ABHD17B: variants seen among roughly 807,000 people sequenced by gnomAD.
ABHD17B encodes the protein alpha/beta hydrolase domain-containing protein 17B.
A neutral mutation model predicts 26.2 loss-of-function variants in ABHD17B; 9 were observed. That is an observed-to-expected ratio of 0.34 (90% CI 0.21 to 0.60). The LOEUF (loss-of-function observed/expected upper bound fraction) is 0.60, where lower values mean the gene tolerates loss of function less well. ABHD17B is among the 20% of genes least tolerant of loss of function. ABHD17B has a pLI of 0.80. For missense variants in ABHD17B, 224 were observed against 352.1 expected (o/e 0.64, Z 2.91); for synonymous variants, 127 against 122.3 (o/e 1.04, Z -0.25).
chr9:71,878,099 G>C (rs978690313), intron 1 of ABHD17B, among the ~76,000 whole-genome samples: 15 of 151,638 alleles, frequency 9.9e-5, no homozygotes, highest in African/African-American at 1.7e-4. Flanking sequence ...TTTTAGTATA[G>C]TGTGAGCAAG....
intron 1 of ABHD17B, among the ~76,000 whole-genome samples, chr9:71,896,782 G>A (rs1173984817): frequency 1.3e-5 from 2 of 151,908 alleles, no homozygotes; most frequent in African/African-American, 4.8e-5. Context: ...GAATTAAAAG[G>A]GAAAATGGGA....
downstream of ABHD17B, among the ~76,000 whole-genome samples, chr9:71,864,791 TC>T (rs1325123633): frequency 6.6e-6 from 1 of 152,216 alleles, no homozygotes; most frequent in Admixed American, 6.5e-5. Context: ...GGTGCCTGTC[TC>T]CTTAGCTATA....
chr9:71,867,645 T>C (rs1825994563), intron 3 of ABHD17B, among the ~76,000 whole-genome samples: 2 of 152,028 alleles, frequency 1.3e-5, no homozygotes, highest in Non-Finnish European at 2.9e-5. Context: ...AAGGGGGTGA[T>C]TGAAATATAC....
chr9:71,900,880 T>C (rs966654176), intron 1 of ABHD17B, among the ~76,000 whole-genome samples: 9 of 152,056 alleles, frequency 5.9e-5, no homozygotes, highest in African/African-American at 2.2e-4. Flanking sequence ...CTGGGTGCAG[T>C]GGCTCACGCC....
chr9:71,908,948 T>C (rs983771598), intron 1 of ABHD17B, among the ~76,000 whole-genome samples: 1 of 152,228 alleles, frequency 6.6e-6, no homozygotes, highest in Non-Finnish European at 1.5e-5. Context: ...ACCAATTCAG[T>C]GTCAAACTTG....
chr9:71,878,989 C>G lies in ABHD17B; in HGVS notation c.-3-3906G>C, dbSNP rs554984142. On this transcript the variant is annotated intron_variant, in intron 1 of 3. Transcript: ENST00000333421. ...TGAGCACCATGGCAAAACTCCATCT[C>G]TATAAAAAATACAAAAATTAGCTGG... is the stretch of plus-strand genomic sequence containing the variant. Among the ~76,000 whole-genome samples the G allele has an allele frequency of 1.4e-4, 21 of 152,266 alleles. No homozygotes were observed. The East Asian group carries it at 3.7e-3, about 27-fold the overall frequency.
intron 1 of ABHD17B, among the ~76,000 whole-genome samples, chr9:71,901,008 C>A (rs1342400527): frequency 6.6e-6 from 1 of 151,976 alleles, no homozygotes; most frequent in Non-Finnish European, 1.5e-5. Flanking sequence ...AAAAATTAGC[C>A]GGGCATGGTA....
At position 71,906,134 on chromosome 9, in the gene ABHD17B, T is replaced by C. The variant is rs980593247; in HGVS notation, c.-4+4500A>G. Reference sequence around the variant, plus strand: ...ACTTGAATATTCTGCTGGACATTCATAGAGGGGAACAGAAAGAGGAAAAAA... The same window carrying C: ...ACTTGAATATTCTGCTGGACATTCACAGAGGGGAACAGAAAGAGGAAAAAA... On this transcript the variant is annotated intron_variant, in intron 1 of 3. Coordinates refer to ENST00000333421, the MANE Select transcript of ABHD17B (RefSeq NM_001025780.3). 5.7e-4 allele frequency among the ~76,000 whole-genome samples: 87 copies of C among 152,176 alleles called. 1 individual carries two copies. The highest frequency in any genetic ancestry group is 1.9e-3 in the African/African-American group (80 of 41,502).
chr9:71,863,205 A>C (rs1825872654), downstream of ABHD17B, among the ~76,000 whole-genome samples: 1 of 152,230 alleles, frequency 6.6e-6, no homozygotes, highest in Non-Finnish European at 1.5e-5. Context: ...TATGTACAAA[A>C]GCCAAATATC....
chr9:71,879,237 G>A (rs1045360982), intron 1 of ABHD17B, among the ~76,000 whole-genome samples: 1 of 152,158 alleles, frequency 6.6e-6, no homozygotes, highest in Non-Finnish European at 1.5e-5. Context: ...AAATAAAGGA[G>A]AATAGTTAAT....
chr9:71,910,454 G>C (rs1043183426), intron 1 of ABHD17B, among the ~76,000 whole-genome samples, 180 bp downstream of exon 1: 1 of 152,184 alleles, frequency 6.6e-6, no homozygotes, highest in East Asian at 1.9e-4. Context: ...ACCCGATGAG[G>C]AGTGGCTTCC....
At chr9:71,863,958 T>C (rs1211086285), downstream of ABHD17B, among the ~76,000 whole-genome samples, 1 of 152,202 alleles carries the variant, frequency 6.6e-6, no homozygotes, top group Non-Finnish European at 1.5e-5. Context: ...GTAAATGTGG[T>C]TTGAACAGCA....
At chr9:71,906,478 T>C (rs1246752927) in intron 1 of ABHD17B, among the ~76,000 whole-genome samples, 1 of 152,190 alleles carries the variant, frequency 6.6e-6, no homozygotes, top group Non-Finnish European at 1.5e-5. Flanking sequence ...GCTTCTTATA[T>C]TTCAATGCGT....
At chr9:71,885,884 A>AT (rs1589222012) in intron 1 of ABHD17B, among the ~76,000 whole-genome samples, 2 of 152,194 alleles carry the variant, frequency 1.3e-5, no homozygotes, top group East Asian at 3.8e-4. Flanking sequence ...ACTACTAATT[A>AT]TTATAAGGTT....
chr9:71,878,724 A>G (rs1397221819), intron 1 of ABHD17B, among the ~76,000 whole-genome samples: 1 of 152,116 alleles, frequency 6.6e-6, no homozygotes, highest in Non-Finnish European at 1.5e-5. Flanking sequence ...TGGGAGGACC[A>G]CTTAAGCAAC....
intron 1 of ABHD17B, among the ~76,000 whole-genome samples, chr9:71,880,070 GTGTCAATAAA>G (rs1328485109): frequency 2.6e-5 from 4 of 152,182 alleles, no homozygotes; most frequent in Non-Finnish European, 5.9e-5. Context: ...AGAATATCAT[GTGTCAATAAA>G]TAACCTAGAC....
At chr9:71,896,647 G>T (rs1169212615) in intron 1 of ABHD17B, among the ~76,000 whole-genome samples, 1 of 150,962 alleles carries the variant, frequency 6.6e-6, no homozygotes, top group Non-Finnish European at 1.5e-5. Context: ...TAAACAGGGG[G>T]TCTATGTATA....
rs1054142720 is a variant in ABHD17B, at chr9:71,870,194, A to T, written c.536T>A (p.Leu179His). ...QSIGTVPSVD[L>H]AARYESAAVI... Reference sequence around the variant, plus strand: ...AGCAGCACTCTCATATCGAGCAGCAAGATCCACAGACGGTACTGTCCCTAT... The same window carrying T: ...AGCAGCACTCTCATATCGAGCAGCATGATCCACAGACGGTACTGTCCCTAT... Residue 179 changes from leucine (L) to histidine (H), a missense_variant, in exon 3 of 4, where the codon CTT becomes CAT. Transcript: ENST00000333421. The T allele has an allele frequency of 6.2e-7, 1 of 1,614,160 alleles. No individual in the cohort carries two copies. Among genetic ancestry groups the T allele is most frequent in the Non-Finnish European group, 8.5e-7 (1 of 1,179,990 alleles).
At chr9:71,892,087 T>G (rs944752832) in intron 1 of ABHD17B, among the ~76,000 whole-genome samples, 2 of 152,204 alleles carry the variant, frequency 1.3e-5, no homozygotes, top group African/African-American at 2.4e-5. Context: ...GTGAAAAGCA[T>G]AAACTGATAA....
Sources: allele counts gnomAD v4.1 joint callset (sites outside exome capture counted in the v4.1 genomes callset), GRCh38; gene constraint gnomAD v4.1.1; transcripts MANE v1.5; gene names NCBI Gene and HGNC (gene_info 2026-07-23, HGNC 2026-07-21).